Variants in SLA2 observed in about 807,000 individuals in gnomAD.
SLA2 encodes src-like-adapter 2.
Under a neutral mutation model 27.3 loss-of-function variants are expected in SLA2, and 22 were observed. The ratio of observed to expected loss-of-function variants is 0.81; its 90% CI spans 0.58 to 1.15. The LOEUF (loss-of-function observed/expected upper bound fraction) is 1.15. Ranked by LOEUF, SLA2 falls within the 50% of genes most tolerant of loss-of-function variation. The pLI is 0.00. For synonymous variants in SLA2, 131 were observed against 137.8 expected (o/e 0.95, Z 0.34); for missense variants, 304 against 322.2 (o/e 0.94, Z 0.43).
At chr20:36,639,424 C>T (rs1024252596) in intron 2 of SLA2, among the ~76,000 whole-genome samples, 4 of 151,260 alleles carry the variant, frequency 2.6e-5, no homozygotes, top group African/African-American at 9.7e-5. Flanking sequence ...CACACACACA[C>T]AACTATTGGT....
rs2039151076 is a variant in SLA2 at position 36,612,542 on chromosome 20, A to G, written c.*1324T>C. ...TGTTTTCACATACTTGAATAAATCA[A>G]ATCTTTAATTGAGAACCTGTTGATG... is the stretch of plus-strand genomic sequence containing the variant. On this transcript the variant is annotated 3_prime_UTR_variant, in exon 8 of 8. Transcript: ENST00000262866. The G allele has an allele frequency of 5.5e-6, 2 of 366,226 alleles. No homozygotes were observed. Among genetic ancestry groups the G allele is most frequent in the Non-Finnish European group, 1.0e-5 (2 of 193,234 alleles). 22.7% of individuals were successfully genotyped at this position (366,226 alleles called of 1,614,324 possible).
intron 2 of SLA2, among the ~76,000 whole-genome samples, chr20:36,639,591 C>T (rs890259890): frequency 6.6e-6 from 1 of 151,928 alleles, no homozygotes; most frequent in Non-Finnish European, 1.5e-5. Flanking sequence ...CAGTGGCTCA[C>T]GCCTGTAATC....
chr20:36,627,234 G>C (rs1371080222), intron 5 of SLA2, among the ~76,000 whole-genome samples: 1 of 152,196 alleles, frequency 6.6e-6, no homozygotes, highest in East Asian at 1.9e-4. Flanking sequence ...AGAAAGAAAG[G>C]CCAAGTATAA....
chr20:36,639,608 C>T (rs201585015), intron 2 of SLA2, among the ~76,000 whole-genome samples: 2 of 151,814 alleles, frequency 1.3e-5, no homozygotes, highest in African/African-American at 4.8e-5. Context: ...AATCCCAGCA[C>T]TTTGGGAGGC....
chr20:36,633,153 C>A (rs2039409307), intron 4 of SLA2, among the ~76,000 whole-genome samples: 1 of 152,166 alleles, frequency 6.6e-6, no homozygotes, highest in Non-Finnish European at 1.5e-5. Context: ...CTCACTGCAG[C>A]CTTGACCTTC....
rs2039196362 is a variant in SLA2, at chr20:36,615,330, C to G, written c.427G>C (p.Asp143His). The change falls in exon 6 of 8, where the codon GAC (aspartate) becomes CAC (histidine). Residue 143 changes from aspartate (D) to histidine (H), a missense_variant. Asp to His is a moderately conservative substitution (Grantham distance 81). Transcript: ENST00000262866. Reference protein sequence around the residue: ...SVRLSRPASWDRIRHYRIHCL... With the variant: ...SVRLSRPASWHRIRHYRIHCL... Reference sequence around the variant, plus strand: ...TGGATCCTGTAGTGTCTGATCCGGTCCCAGGATGCAGGGCGGCTGAGGCGG... The same window carrying G: ...TGGATCCTGTAGTGTCTGATCCGGTGCCAGGATGCAGGGCGGCTGAGGCGG... The G allele has an allele frequency of 6.2e-7, 1 of 1,613,918 alleles. No individual in the cohort carries two copies. The highest frequency in any genetic ancestry group is 1.7e-5 in the Admixed American group (1 of 59,956).
rs1568600134 is a variant in SLA2 at position 36,615,465 on chromosome 20, T to C, written c.383-91A>G. On this transcript the variant is annotated intron_variant, in intron 5 of 7. Coordinates refer to ENST00000262866, the MANE Select transcript of SLA2 (RefSeq NM_032214.4). ...GAAACGAAGATAGGCAACGTGACCATGGGGCCCCGGCAGAAGGGAAGTGTC... is the reference window on the plus strand; with the variant it reads ...GAAACGAAGATAGGCAACGTGACCACGGGGCCCCGGCAGAAGGGAAGTGTC... 15 of 1,512,458 alleles carry C rather than the reference T, an allele frequency of 9.9e-6. No individual in the cohort carries two copies. The East Asian group carries it at 2.8e-4, about 28-fold the overall frequency. The allele number at this position is 1,512,458 out of a possible 1,614,324, so 93.7% of individuals were successfully genotyped here. A position where few individuals can be genotyped will look rare whatever the true frequency, so the allele number is the denominator to read the frequency against.
intron 5 of SLA2, among the ~76,000 whole-genome samples, chr20:36,623,602 CGTTTTCTTT>C (rs1307168540): frequency 3.9e-5 from 6 of 152,086 alleles, no homozygotes; most frequent in African/African-American, 7.2e-5. Context: ...GTCTCTGCTT[CGTTTTCTTT>C]GTTTTCTTTG....
chr20:36,627,073 C>T (rs4810266), intron 5 of SLA2, among the ~76,000 whole-genome samples: 6,930 of 151,890 alleles, frequency 0.046, 253 homozygotes, highest in Admixed American at 0.098. Flanking sequence ...TGAGGAGAAG[C>T]GGAGGGCAGG....
At chr20:36,624,829 T>C (rs985262683) in intron 5 of SLA2, among the ~76,000 whole-genome samples, 1 of 152,208 alleles carries the variant, frequency 6.6e-6, no homozygotes, top group East Asian at 1.9e-4. Context: ...GACGGAGTGC[T>C]GTGGGGCACA....
In SLA2 at chr20:36,637,624, CTTT is replaced by C. The variant is rs36100264; in HGVS notation, c.92-3038_92-3036del. On this transcript the variant is annotated intron_variant, in intron 2 of 7. Transcript: ENST00000262866. Reference sequence around the variant, plus strand: ...ATAGGCTCATATTCTGTGAAGTTTGCTTTTTTTTTTTTTTTTTTTTTTGAGACA... The same window carrying C: ...ATAGGCTCATATTCTGTGAAGTTTGCTTTTTTTTTTTTTTTTTTTGAGACA... Among the ~76,000 whole-genome samples, 210 of 80,942 alleles carry C rather than the reference CTTT, an allele frequency of 2.6e-3. 1 individual carries two copies. The highest frequency in any genetic ancestry group is 4.0e-3 in the Non-Finnish European group (180 of 44,772). The allele number at this position is 80,942 out of a possible 152,430, so 53.1% of individuals were successfully genotyped here. A position where few individuals can be genotyped will look rare whatever the true frequency, so the allele number is the denominator to read the frequency against.
intron 5 of SLA2, among the ~76,000 whole-genome samples, chr20:36,617,699 T>C (rs1336483740): frequency 2.7e-5 from 4 of 145,500 alleles, no homozygotes; most frequent in Non-Finnish European, 4.5e-5. Context: ...CTACTGAAAA[T>C]ACAAAAAATT....
At chr20:36,628,164 C>G (rs1305066634) in intron 5 of SLA2, among the ~76,000 whole-genome samples, 2 of 152,290 alleles carry the variant, frequency 1.3e-5, no homozygotes, top group Non-Finnish European at 2.9e-5. Flanking sequence ...GTAGGGCCTA[C>G]AAGTCTACAG....
intron 2 of SLA2, among the ~76,000 whole-genome samples, chr20:36,640,493 G>T (rs909967895): frequency 6.6e-6 from 1 of 151,036 alleles, no homozygotes; most frequent in African/African-American, 2.4e-5. Context: ...TGTGGCTGGG[G>T]TGATGAAAGA....
chr20:36,636,626 ATATATAT>A (rs2039452633), intron 2 of SLA2, among the ~76,000 whole-genome samples: 2 of 115,646 alleles, frequency 1.7e-5, no homozygotes, highest in African/African-American at 8.0e-5. Context: ...AAAAAAAAAT[ATATATAT>A]ATATATATAT....
intron 3 of SLA2, 73 bp from the exon 4 acceptor site, chr20:36,633,702 G>T: frequency 7.8e-7 from 1 of 1,285,202 alleles, no homozygotes; most frequent in Non-Finnish European, 1.1e-6. Flanking sequence ...TTCAGGGCTT[G>T]CAAGGACCCT....
chr20:36,635,620 A>G (rs1014860430), intron 2 of SLA2, among the ~76,000 whole-genome samples: 2 of 151,958 alleles, frequency 1.3e-5, no homozygotes, highest in African/African-American at 4.8e-5. Flanking sequence ...CAGCCTGGAG[A>G]GCTCCCCAGG....
intron 5 of SLA2, among the ~76,000 whole-genome samples, chr20:36,625,216 A>ATTTTTTTTTTTTTTTTTTTTTT (rs71186005): frequency 1.3e-5 from 1 of 78,498 alleles, no homozygotes; most frequent in African/African-American, 5.4e-5. Context: ...ACGTACCCTG[A>ATTTTTTTTTTTTTTTTTTTTTT]TTTTTTTTTT....
At chr20:36,620,119 G>A (rs1044623110) in intron 5 of SLA2, among the ~76,000 whole-genome samples, 16 of 150,422 alleles carry the variant, frequency 1.1e-4, no homozygotes, top group Non-Finnish European at 5.9e-5. Flanking sequence ...TGCTGGGCGC[G>A]ATGGCTCACA....
Sources: gnomAD v4.1 joint callset for allele counts (sites outside exome capture counted in the v4.1 genomes callset) on GRCh38, gnomAD v4.1.1 for gene constraint, MANE v1.5 for transcripts, NCBI Gene and HGNC (gene_info 2026-07-23, HGNC 2026-07-21) for gene names.